The following TAS2R1 variants were observed in gnomAD, a reference collection of about 807,000 sequenced individuals.
The protein encoded by TAS2R1 is taste receptor type 2 member 1.
For synonymous variants in TAS2R1, 141 were observed against 134.2 expected, an observed-to-expected ratio of 1.05 and a Z score of -0.35; for missense variants, 370 against 353.4, an observed-to-expected ratio of 1.05 and a Z score of -0.38.
chr5:9,838,447 A>G, the TAS2R1 span, among the ~76,000 whole-genome samples: 1 of 152,220 alleles, frequency 6.6e-6, no homozygotes, highest in African/African-American at 2.4e-5. Flanking sequence ...CATGCCAGCC[A>G]AGACAGCTCC....
chr5:9,752,817 T>C, the TAS2R1 span, among the ~76,000 whole-genome samples: 3 of 152,042 alleles, frequency 2.0e-5, no homozygotes, highest in African/African-American at 4.8e-5. Flanking sequence ...TTTCTCCTTG[T>C]GATAGTTTGC....
At chr5:9,672,711 A>G (rs1740793052) in intron 1 of TAS2R1, among the ~76,000 whole-genome samples, 1 of 152,220 alleles carries the variant, frequency 6.6e-6, no homozygotes, top group African/African-American at 2.4e-5. Context: ...GTCATTGTGA[A>G]AAGCAGTGTG....
At chr5:9,726,309 T>G in the TAS2R1 span, among the ~76,000 whole-genome samples, 1 of 152,182 alleles carries the variant, frequency 6.6e-6, no homozygotes, top group African/African-American at 2.4e-5. Flanking sequence ...GGAGAACCTT[T>G]GTGTCTAGCT....
At chr5:9,706,879 G>A (rs1741626263) in intron 1 of TAS2R1, among the ~76,000 whole-genome samples, 1 of 152,188 alleles carries the variant, frequency 6.6e-6, no homozygotes, top group African/African-American at 2.4e-5. Context: ...GGCAGGGCTG[G>A]AGAAAGCTGG....
the TAS2R1 span, among the ~76,000 whole-genome samples, chr5:9,856,673 C>T: frequency 1.3e-5 from 2 of 152,118 alleles, no homozygotes; most frequent in Non-Finnish European, 2.9e-5. Flanking sequence ...GTCTATTGAC[C>T]TTCAAAATAT....
chr5:9,873,972 G>A, the TAS2R1 span, among the ~76,000 whole-genome samples: 1 of 149,268 alleles, frequency 6.7e-6, no homozygotes, highest in Non-Finnish European at 1.5e-5. Context: ...GAGAGAGAGA[G>A]AGAGGAAGAA....
chr5:9,712,104 C>T (rs540345310), intron 1 of TAS2R1: 3 of 151,532 alleles, frequency 2.0e-5, no homozygotes, highest in Admixed American at 6.6e-5. Context: ...AGAATATTTT[C>T]ATCTTTTAAC....
the TAS2R1 span, chr5:9,903,767 T>C: frequency 6.6e-6 from 1 of 152,044 alleles, no homozygotes; most frequent in Non-Finnish European, 1.5e-5. Flanking sequence ...GCAAGGGTCA[T>C]TGGTTATATT....
chr5:9,730,051 T>C, the TAS2R1 span, among the ~76,000 whole-genome samples: 1 of 151,802 alleles, frequency 6.6e-6, no homozygotes, highest in Non-Finnish European at 1.5e-5. Flanking sequence ...GCCAGCTCAT[T>C]TTTATTTTTT....
At chr5:9,782,584 A>G in the TAS2R1 span, among the ~76,000 whole-genome samples, 2 of 152,232 alleles carry the variant, frequency 1.3e-5, no homozygotes, top group African/African-American at 4.8e-5. Flanking sequence ...GCATTGTTTT[A>G]GAACTCTGAC....
chr5:9,823,420 T>C, the TAS2R1 span, among the ~76,000 whole-genome samples: 1 of 150,194 alleles, frequency 6.7e-6, no homozygotes, highest in Non-Finnish European at 1.5e-5. Context: ...AGCAAAATTT[T>C]GTCATCCACC....
At chr5:9,642,412 C>T (rs1740103985) in intron 2 of TAS2R1, among the ~76,000 whole-genome samples, 2 of 152,142 alleles carry the variant, frequency 1.3e-5, no homozygotes, top group African/African-American at 2.4e-5. Flanking sequence ...ACCCAGACAT[C>T]CTTTCTGAAT....
intron 1 of TAS2R1, among the ~76,000 whole-genome samples, chr5:9,695,817 G>A (rs7726879): frequency 0.2 from 30,684 of 152,110 alleles, 3,202 homozygotes; most frequent in Middle Eastern, 0.23. Context: ...AGAGGCAGGA[G>A]AAGAGGCAGC....
At chr5:9,845,133 G>A in the TAS2R1 span, among the ~76,000 whole-genome samples, 1 of 152,110 alleles carries the variant, frequency 6.6e-6, no homozygotes, top group Non-Finnish European at 1.5e-5. Context: ...TTAGGTTTAG[G>A]TGATGTCATG....
At chr5:9,763,401 G>T in the TAS2R1 span, among the ~76,000 whole-genome samples, 1 of 152,094 alleles carries the variant, frequency 6.6e-6, no homozygotes. Context: ...TACTCAGGAG[G>T]CTGAGGCAGG....
chr5:9,799,125 C>T, the TAS2R1 span, among the ~76,000 whole-genome samples: 9 of 152,312 alleles, frequency 5.9e-5, no homozygotes, highest in East Asian at 1.5e-3. Context: ...CTCTCTAAAG[C>T]GCCACTTGTC....
the TAS2R1 span, among the ~76,000 whole-genome samples, chr5:9,775,769 C>T: frequency 6.6e-6 from 1 of 152,168 alleles, no homozygotes; most frequent in Admixed American, 6.5e-5. Flanking sequence ...CCTCAGGACT[C>T]TGTTGGGTGC....
chr5:9,651,769 C>T (rs371925618), intron 2 of TAS2R1, among the ~76,000 whole-genome samples: 15 of 151,828 alleles, frequency 9.9e-5, no homozygotes, highest in African/African-American at 3.1e-4. Flanking sequence ...TATGACTCAC[C>T]AAAGCTCTGA....
the TAS2R1 span, among the ~76,000 whole-genome samples, chr5:9,785,125 T>G: frequency 4.5e-4 from 68 of 152,332 alleles, no homozygotes; most frequent in East Asian, 0.01. Flanking sequence ...CTTTTCACCA[T>G]GGCTACAGCT....
Sources: gnomAD v4.1 joint callset for allele counts (sites outside exome capture counted in the v4.1 genomes callset) on GRCh38, gnomAD v4.1.1 for gene constraint, MANE v1.5 for transcripts, NCBI Gene and HGNC (gene_info 2026-07-23, HGNC 2026-07-21) for gene names.